Variants in TMPO observed in about 807,000 individuals in gnomAD.
TMPO encodes thymopoietin.
In TMPO, 22 loss-of-function variants were observed where a neutral mutation model predicts 45.4. The ratio of observed to expected loss-of-function variants is 0.48; its 90% CI spans 0.35 to 0.69. TMPO has a LOEUF of 0.69. Among genes scored for constraint, TMPO ranks in the 30% least tolerant of loss-of-function variants. The pLI, the probability that TMPO is intolerant of heterozygous loss-of-function variation, is 0.01. For synonymous variants in TMPO, 241 were observed against 204.1 expected (o/e 1.18, Z -1.54); for missense variants, 512 against 548.8 (o/e 0.93, Z 0.67).
At chr12:98,518,138 T>A (rs111966040) in intron 1 of TMPO, among the ~76,000 whole-genome samples, 19,285 of 146,788 alleles carry the variant, frequency 0.13, 2,128 homozygotes, top group African/African-American at 0.3. Context: ...AGAGCGAGAC[T>A]TCGTCTCAAA....
At chr12:98,544,876 A>C (rs1878128597) in intron 6 of TMPO, 75 bp from the exon 7 acceptor site, 1 of 1,211,084 alleles carries the variant, frequency 8.3e-7, no homozygotes, top group Non-Finnish European at 1.2e-6. Flanking sequence ...CAGAGATAAA[A>C]TATCTTTCTT....
At chr12:98,531,996 A>G (rs1400764279) in intron 3 of TMPO, 158 bp downstream of exon 3, 2 of 636,766 alleles carry the variant, frequency 3.1e-6, no homozygotes, top group Non-Finnish European at 5.3e-6. Context: ...AATACTTTTT[A>G]TTGAAAATTC....
intron 2 of TMPO, among the ~76,000 whole-genome samples, chr12:98,531,366 AGCTGGGATCACAGGCGT>A (rs1352165860): frequency 2.7e-5 from 4 of 150,306 alleles, no homozygotes; most frequent in African/African-American, 9.8e-5. Flanking sequence ...CCTCCCAAGT[AGCTGGGATCACAGGCGT>A]GTGCCACCAT....
intron 1 of TMPO, among the ~76,000 whole-genome samples, chr12:98,526,201 A>C (rs947742816): frequency 3.3e-5 from 5 of 152,206 alleles, no homozygotes; most frequent in African/African-American, 1.2e-4. Flanking sequence ...CTGGTGACTA[A>C]ACTGTGTCAC....
chr12:98,526,496 C>G (rs1876772644), intron 1 of TMPO, among the ~76,000 whole-genome samples: 1 of 152,124 alleles, frequency 6.6e-6, no homozygotes, highest in Non-Finnish European at 1.5e-5. Context: ...AGTTGTTATA[C>G]TGTATTTTTG....
chr12:98,531,572 T>C (rs1877194713), intron 2 of TMPO, 108 bp from the exon 3 acceptor site: 14 of 1,225,848 alleles, frequency 1.1e-5, no homozygotes, highest in Non-Finnish European at 1.4e-5. Flanking sequence ...AACTTGAGTT[T>C]AGAAAAATAA....
chr12:98,525,015 CTGAT>C (rs1258788773), intron 1 of TMPO, among the ~76,000 whole-genome samples: 1 of 152,144 alleles, frequency 6.6e-6, no homozygotes, highest in African/African-American at 2.4e-5. Flanking sequence ...TAATTTGAAC[CTGAT>C]TGATTGTTTT....
chr12:98,535,002 A>G (rs1000841141), intron 3 of TMPO: 3 of 811,418 alleles, frequency 3.7e-6, no homozygotes, highest in Non-Finnish European at 4.5e-6. Flanking sequence ...TTTTAGCAAA[A>G]TTTTATTAAT....
chr12:98,540,860 T>G (rs1188772906), intron 4 of TMPO, among the ~76,000 whole-genome samples: 1 of 152,216 alleles, frequency 6.6e-6, no homozygotes, highest in African/African-American at 2.4e-5. Context: ...TAGAATGTCT[T>G]TCTGGCGATG....
chr12:98,526,915 A>T (rs766369506), intron 1 of TMPO, among the ~76,000 whole-genome samples: 1 of 151,876 alleles, frequency 6.6e-6, no homozygotes, highest in African/African-American at 2.4e-5. Context: ...CCAAGATTGC[A>T]CCGCTGCGCT....
intron 1 of TMPO, among the ~76,000 whole-genome samples, chr12:98,517,584 A>G (rs764248653): frequency 1.5e-4 from 23 of 152,256 alleles, no homozygotes; most frequent in Non-Finnish European, 2.4e-4. Flanking sequence ...AATGAAAGAC[A>G]AATGTAATAG....
intron 1 of TMPO, among the ~76,000 whole-genome samples, chr12:98,527,203 T>G (rs1277049894): frequency 6.6e-6 from 1 of 151,612 alleles, no homozygotes; most frequent in Non-Finnish European, 1.5e-5. Context: ...GAAATATAAT[T>G]TTTGGTTATT....
chr12:98,527,793 G>T lies in TMPO; in HGVS notation c.280-93G>T. The T allele has an allele frequency of 1.0e-5, 15 of 1,449,228 alleles. No homozygotes were observed. The South Asian group carries it at 1.0e-4, about 10-fold the overall frequency. 89.8% of individuals were successfully genotyped at this position (1,449,228 alleles called of 1,614,324 possible). A position where few individuals can be genotyped will look rare whatever the true frequency, so the allele number is the denominator to read the frequency against. On this transcript the variant is annotated intron_variant, in intron 1 of 8. Transcript: ENST00000556029. ...CCTAATATTACTATAAACCAATTTG[G>T]TAGTGAGTTTGCATGTTTATGTTAT... is the stretch of plus-strand genomic sequence containing the variant.
At chr12:98,527,510 T>A in intron 1 of TMPO, 1 of 212,146 alleles carries the variant, frequency 4.7e-6, no homozygotes, top group Non-Finnish European at 8.9e-6. Flanking sequence ...GTGACATAGC[T>A]AGACCCTGTA....
At chr12:98,536,764 G>A (rs1877597697) in intron 3 of TMPO, among the ~76,000 whole-genome samples, 1 of 152,192 alleles carries the variant, frequency 6.6e-6, no homozygotes, top group Admixed American at 6.5e-5. Flanking sequence ...TCCTTGCGTT[G>A]TTAGGTTAAT....
rs185083543 is a variant in TMPO at position 98,533,199 on chromosome 12, T to G, written c.565+1361T>G. On this transcript the variant is annotated intron_variant, in intron 3 of 8. Coordinates refer to ENST00000556029, the MANE Select transcript of TMPO (RefSeq NM_001032283.3). ...CTACTGCAGCTTCTCCTTCACTGATTAAAGAAACCACCACTGGTTACTATA... is the reference window on the plus strand; with the variant it reads ...CTACTGCAGCTTCTCCTTCACTGATGAAAGAAACCACCACTGGTTACTATA... 1 of 1,614,106 alleles carries G rather than the reference T, an allele frequency of 6.2e-7. No homozygotes were observed.
intron 2 of TMPO, 102 bp downstream of exon 2, chr12:98,528,114 G>A: frequency 7.4e-7 from 1 of 1,345,164 alleles, no homozygotes; most frequent in Non-Finnish European, 1.1e-6. Flanking sequence ...GGACTGGTTT[G>A]TCATTAATCA....
rs756782828 is a variant in TMPO at position 98,527,877 on chromosome 12, T to C, written c.280-9T>C. 131 of 1,613,420 alleles carry C rather than the reference T, an allele frequency of 8.1e-5. No individual in the cohort carries two copies. Among genetic ancestry groups the C allele is most frequent in the Non-Finnish European group, 4.2e-5 (50 of 1,179,802 alleles). ...TCATATGGAAATGATTACTGGACTT[T>C]GTTTACAGAAAGCCACAAAAAAAAC... On this transcript the variant is annotated splice_polypyrimidine_tract_variant and intron_variant, in intron 1 of 8. Transcript: ENST00000556029.
intron 4 of TMPO, among the ~76,000 whole-genome samples, chr12:98,539,085 A>C (rs1360952126): frequency 1.3e-5 from 2 of 152,034 alleles, no homozygotes; most frequent in African/African-American, 4.8e-5. Context: ...CTGTAATCCT[A>C]GCTACTCCGG....
Sources: gnomAD v4.1 joint callset for allele counts (sites outside exome capture counted in the v4.1 genomes callset) on GRCh38, gnomAD v4.1.1 for gene constraint, MANE v1.5 for transcripts, NCBI Gene and HGNC (gene_info 2026-07-23, HGNC 2026-07-21) for gene names.